GAK: variants seen among roughly 807,000 people sequenced by gnomAD.
The protein encoded by GAK is cyclin G associated kinase, also known as cyclin-G-associated kinase.
GAK carries 79 observed loss-of-function variants against 143.9 expected under a neutral mutation model. The ratio of observed to expected loss-of-function variants is 0.55; its 90% confidence interval spans 0.46 to 0.66. The LOEUF is 0.66. Ranked by LOEUF, GAK falls within the 30% of genes least tolerant of loss-of-function variation. The pLI, the probability that GAK is intolerant of heterozygous loss-of-function variation, is 0.00. For synonymous variants in GAK, 881 were observed against 765.5 expected, an observed-to-expected ratio of 1.15 and a Z score of -2.49; for missense variants, 1,693 against 1,779.7, an observed-to-expected ratio of 0.95 and a Z score of 0.88.
At chr4:914,792 G>A (rs1218407673) in intron 1 of GAK, among the ~76,000 whole-genome samples, 2 of 112,070 alleles carry the variant, frequency 1.8e-5, no homozygotes, top group Non-Finnish European at 3.5e-5. Context: ...CACAGCCCCA[G>A]TGTGCACGGC....
At chr4:881,052 G>A (rs996981172) in intron 15 of GAK, among the ~76,000 whole-genome samples, 1 of 152,216 alleles carries the variant, frequency 6.6e-6, no homozygotes, top group Non-Finnish European at 1.5e-5. Flanking sequence ...CCAAGGCTGT[G>A]AGCAAACGAG....
intron 4 of GAK, among the ~76,000 whole-genome samples, chr4:908,125 T>C (rs1721410812): frequency 1.3e-5 from 2 of 152,190 alleles, no homozygotes; most frequent in Admixed American, 6.5e-5. Context: ...AAAGGCTTTC[T>C]GATCTCGGAA....
At chr4:862,640 A>G (rs1424150825) in intron 23 of GAK, among the ~76,000 whole-genome samples, 3 of 151,496 alleles carry the variant, frequency 2.0e-5, no homozygotes, top group African/African-American at 4.8e-5. Flanking sequence ...CCTGGGCGAC[A>G]AAGAGAGACT....
intron 1 of GAK, among the ~76,000 whole-genome samples, chr4:918,367 G>C (rs115830068): frequency 3.3e-5 from 5 of 152,378 alleles, no homozygotes; most frequent in Non-Finnish European, 7.3e-5. Context: ...CATTTTACTG[G>C]AGATTCGAGT....
chr4:910,130 A>G (rs1328620332), intron 4 of GAK, among the ~76,000 whole-genome samples: 3 of 152,080 alleles, frequency 2.0e-5, no homozygotes, highest in Non-Finnish European at 2.9e-5. Context: ...GTCAGGTCTC[A>G]CCCAGCTCCT....
chr4:902,606 A>AAAAAAAAAAACC, intron 5 of GAK, among the ~76,000 whole-genome samples: 1 of 103,388 alleles, frequency 9.7e-6, no homozygotes, highest in Non-Finnish European at 2.3e-5. Context: ...CAAAAAAAAA[A>AAAAAAAAAAACC]AAAAAAAACC....
At chr4:861,631 G>C (rs896778981) in intron 23 of GAK, among the ~76,000 whole-genome samples, 1 of 152,206 alleles carries the variant, frequency 6.6e-6, no homozygotes, top group Non-Finnish European at 1.5e-5. Flanking sequence ...TAGGCCTCTT[G>C]CACCAGCAAG....
rs924176326 is a variant in GAK, at chr4:883,190, C to T, written c.1404+125G>A. On this transcript the variant is annotated intron_variant, in intron 13 of 27. Transcript: ENST00000314167. The stretch of plus-strand genomic sequence containing the variant: ...CCCCTCCTGTCCCACGCTCTGCAGC[C>T]CCTCAGGAGACCTCCGGCCGCCCCC... 5 of 1,117,042 alleles carry T rather than the reference C, an allele frequency of 4.5e-6. No individual in the cohort carries two copies. In the African/African-American group the frequency reaches 7.8e-5, roughly 18 times the overall value. The allele number at this position is 1,117,042 out of a possible 1,614,324, so 69.2% of individuals were successfully genotyped here.
At chr4:849,833 G>GGGGCCCCCCCCCC in intron 27 of GAK, 59 bp from the exon 28 acceptor site, 2 of 1,190,148 alleles carry the variant, frequency 1.7e-6, no homozygotes, top group Non-Finnish European at 2.3e-6. Flanking sequence ...GGCGGGGCAG[G>GGGGCCCCCCCCCC]ACCCCCCCCC....
chr4:927,837 G>A (rs1725086883), intron 1 of GAK, among the ~76,000 whole-genome samples: 1 of 150,482 alleles, frequency 6.6e-6, no homozygotes, highest in African/African-American at 2.4e-5. Context: ...CTCCCTGGGT[G>A]AGCGCAGCCA....
chr4:916,492 GACTACAGGTGTGAGCC>G (rs1305336960), intron 1 of GAK, among the ~76,000 whole-genome samples: 5 of 152,164 alleles, frequency 3.3e-5, no homozygotes, highest in Non-Finnish European at 5.9e-5. Flanking sequence ...AAAGTGCTGG[GACTACAGGTGTGAGCC>G]ACCACGCCCA....
intron 4 of GAK, among the ~76,000 whole-genome samples, chr4:905,805 C>T (rs564455120): frequency 6.6e-6 from 1 of 152,386 alleles, no homozygotes; most frequent in South Asian, 2.1e-4. Flanking sequence ...CAGCCACAGT[C>T]CCAGTTAAGC....
At position 865,169 on chromosome 4, in the gene GAK, C is replaced by A; in HGVS notation, c.3119G>T (p.Trp1040Leu). The part of the protein sequence containing the change: ...NPDLLGGWAA[W>L]TETAASAVAP... ...CACTGCCGATGCTGCAGTCTCGGTC[C>A]AGGCAGCCCATCCTCCCAGCAGGTC... The change falls in exon 23 of 28, where the codon TGG (tryptophan) becomes TTG (leucine). Residue 1040 changes from tryptophan (W) to leucine (L), a missense_variant. Trp to Leu is a moderately conservative substitution (Grantham distance 61). This residue lies in a region of GAK where 822 missense variants were observed against 788.7 expected (regional missense o/e 1.04). Transcript: ENST00000314167. 1 of 1,612,616 alleles carries A rather than the reference C, an allele frequency of 6.2e-7. No individual in the cohort carries two copies. The highest frequency in any genetic ancestry group is 1.1e-5 in the South Asian group (1 of 91,044).
chr4:866,043 G>A (rs1751107319), intron 22 of GAK, among the ~76,000 whole-genome samples: 1 of 152,266 alleles, frequency 6.6e-6, no homozygotes, highest in Non-Finnish European at 1.5e-5. Context: ...GGGTGCAGGT[G>A]GCCTTCTCTG....
At chr4:912,464 C>T (rs1357051284) in intron 3 of GAK, 1 of 427,386 alleles carries the variant, frequency 2.3e-6, no homozygotes, top group Non-Finnish European at 4.4e-6. Context: ...CCAGCCCATC[C>T]ACTGGGCAGG....
chr4:893,593 C>A, intron 8 of GAK, 104 bp from the exon 9 acceptor site: 1 of 818,120 alleles, frequency 1.2e-6, no homozygotes, highest in Non-Finnish European at 1.8e-6. Flanking sequence ...TCCCTCTACA[C>A]ACATCAGTGA....
Position 881,920 on chromosome 4 carries a change from G to C in GAK, c.1648C>G (p.Pro550Ala), listed in dbSNP as rs939350089. 6.3e-7 allele frequency: 1 copy of C among 1,589,744 alleles called. No homozygotes were observed. The highest frequency in any genetic ancestry group is 2.3e-5 in the East Asian group (1 of 43,944). Residue 550 changes from proline (P) to alanine (A), a missense_variant, in exon 15 of 28, where the codon CCA (proline) becomes GCA (alanine). Physicochemically the swap from Pro to Ala is conservative, Grantham distance 27 (BLOSUM62 -1). Transcript: ENST00000314167. ...SMKRCPPGIWPSHKRYIEYMC... is the reference protein window; with the variant it reads ...SMKRCPPGIWASHKRYIEYMC... ...GCCACGCAGTACCTTTTGTGGGATG[G>C]CCAGATGCCTGGTGGGCAGCGCTTC...
At chr4:920,539 A>ATTTTTTTTTTTTTTTTTTTTTTTTT (rs34176109) in intron 1 of GAK, among the ~76,000 whole-genome samples, 3 of 129,592 alleles carry the variant, frequency 2.3e-5, no homozygotes, top group East Asian at 2.4e-4. Context: ...GTTTAGAGCC[A>ATTTTTTTTTTTTTTTTTTTTTTTTT]TTTTTTTTTT....
chr4:907,314 A>G (rs1187663513), intron 4 of GAK, among the ~76,000 whole-genome samples: 3 of 152,160 alleles, frequency 2.0e-5, no homozygotes, highest in African/African-American at 7.2e-5. Flanking sequence ...AAGCCCTCTC[A>G]GCCCTCACCA....
Sources: gnomAD v4.1 joint callset for allele counts (sites outside exome capture counted in the v4.1 genomes callset) on GRCh38, gnomAD v4.1.1 for gene constraint, gnomAD v4.1.1 regional missense constraint, MANE v1.5 for transcripts, NCBI Gene and HGNC (gene_info 2026-07-23, HGNC 2026-07-21) for gene names.